CDHR3: variants seen among roughly 807,000 people sequenced by gnomAD.
The protein encoded by CDHR3 is cadherin related family member 3.
A neutral mutation model predicts 86.6 loss-of-function variants in CDHR3; 79 were observed. That is an observed-to-expected ratio of 0.91 (90% CI 0.76 to 1.10). The LOEUF is 1.10. CDHR3 is among the 50% of genes least tolerant of loss of function. CDHR3 has a pLI of 0.00. For synonymous variants in CDHR3, 421 were observed against 402.4 expected, an observed-to-expected ratio of 1.05 and a Z score of -0.55; for missense variants, 1,081 against 1,077.6, an observed-to-expected ratio of 1.00 and a Z score of -0.04.
chr7:106,031,567 C>CG (rs1293730957), intron 18 of CDHR3, among the ~76,000 whole-genome samples: 1 of 152,214 alleles, frequency 6.6e-6, no homozygotes, highest in African/African-American at 2.4e-5. Flanking sequence ...GAGAGGCTGC[C>CG]GCCGCCGCTG....
intron 15 of CDHR3, among the ~76,000 whole-genome samples, chr7:106,025,160 G>A (rs967437381): frequency 8.5e-5 from 13 of 152,078 alleles, no homozygotes; most frequent in African/African-American, 3.1e-4. Flanking sequence ...GTCTTTTACT[G>A]GCTAAAGTGA....
Position 106,020,430 on chromosome 7 carries a change from T to G in CDHR3, c.1711T>G (p.Tyr571Asp). ...DEKPICTPNS[Y>D]FLALPVDLKV... The stretch of plus-strand genomic sequence containing the variant: ...AAAGCCAATTTGTACTCCAAACTCT[T>G]ATTTCCTGGCCCTCCCAGTGGATCT... The change falls in exon 13 of 19, where the codon TAT becomes GAT. Residue 571 changes from tyrosine (Y) to aspartate (D), a missense_variant. Tyr to Asp is a radical substitution (Grantham distance 160). Transcript: ENST00000317716. 1 of 1,614,004 alleles carries G rather than the reference T, an allele frequency of 6.2e-7. No individual in the cohort carries two copies. Among genetic ancestry groups the G allele is most frequent in the South Asian group, 1.1e-5 (1 of 91,086 alleles).
In CDHR3 at chr7:106,030,791, G is replaced by C; in HGVS notation, c.2305-1G>C. ...TGATGCTGTCTCTGTCTTCTCCTTAGGAAACTATCCAGATGAACACTATCT... is the reference window on the plus strand; with the variant it reads ...TGATGCTGTCTCTGTCTTCTCCTTACGAAACTATCCAGATGAACACTATCT... On this transcript the variant is annotated splice_acceptor_variant, in intron 17 of 18. Coordinates refer to ENST00000317716, the MANE Select transcript of CDHR3 (RefSeq NM_152750.5). LOFTEE classifies it high-confidence loss of function. The surrounding 1 kb of genome is among the most constrained non-coding windows in gnomAD (Gnocchi z 4.8). 6.2e-7 allele frequency: 1 copy of C among 1,610,554 alleles called. No homozygotes were observed. The highest frequency in any genetic ancestry group is 8.5e-7 in the Non-Finnish European group (1 of 1,178,438).
rs1174492229 is a variant in CDHR3 at position 106,024,517 on chromosome 7, T to G, written c.2213T>G (p.Ile738Ser). Residue 738 changes from isoleucine (I) to serine (S), a missense_variant, in exon 15 of 19, where the codon ATC (isoleucine) becomes AGC (serine). Coordinates refer to ENST00000317716, the MANE Select transcript of CDHR3 (RefSeq NM_152750.5). ...VYLVVLLAKA[I>S]HRHCPCKTGK... ...CTGGTCGTCCTATTGGCCAAAGCCATCCACAGACACTGCCCCTGCAAGACT... is the reference window on the plus strand; with the variant it reads ...CTGGTCGTCCTATTGGCCAAAGCCAGCCACAGACACTGCCCCTGCAAGACT... The G allele has an allele frequency of 6.2e-7, 1 of 1,613,932 alleles. No individual in the cohort carries two copies. Among genetic ancestry groups the G allele is most frequent in the African/African-American group, 1.3e-5 (1 of 74,946 alleles).
At chr7:106,028,197 T>C (rs1230574734) in intron 16 of CDHR3, among the ~76,000 whole-genome samples, 1 of 151,666 alleles carries the variant, frequency 6.6e-6, no homozygotes, top group African/African-American at 2.4e-5. Flanking sequence ...TGGGAATTAA[T>C]GCACAAAACC....
intron 6 of CDHR3, among the ~76,000 whole-genome samples, chr7:106,000,248 G>C (rs1489107401): frequency 6.6e-6 from 1 of 152,240 alleles, no homozygotes; most frequent in African/African-American, 2.4e-5. Flanking sequence ...CAGCAATGGA[G>C]TATACCCACA....
intron 7 of CDHR3, among the ~76,000 whole-genome samples, chr7:106,002,250 G>A (rs1475101564): frequency 6.6e-6 from 1 of 152,154 alleles, no homozygotes; most frequent in African/African-American, 2.4e-5. Context: ...CAAGAGAAAA[G>A]CATACGAATT....
intron 1 of CDHR3, among the ~76,000 whole-genome samples, chr7:105,964,657 A>G (rs1826590174): frequency 6.6e-6 from 1 of 152,118 alleles, no homozygotes; most frequent in African/African-American, 2.4e-5. Flanking sequence ...ATATAATAAA[A>G]CTAAATGTAA....
chr7:106,029,601 C>A (rs1467379450), intron 17 of CDHR3, among the ~76,000 whole-genome samples: 1 of 151,438 alleles, frequency 6.6e-6, no homozygotes. Context: ...TTATCTACCC[C>A]CTGGGAAGTG....
At chr7:105,975,139 C>T in intron 2 of CDHR3, 93 bp downstream of exon 2, 1 of 1,085,266 alleles carries the variant, frequency 9.2e-7, no homozygotes, top group Non-Finnish European at 1.4e-6. Context: ...ATTAATTCCT[C>T]CATCTGGTTT....
chr7:106,006,975 C>T (rs1345573308), intron 8 of CDHR3, among the ~76,000 whole-genome samples: 1 of 152,256 alleles, frequency 6.6e-6, no homozygotes, highest in Non-Finnish European at 1.5e-5. Flanking sequence ...TTCCATACAT[C>T]CTCTCAAATC....
At position 105,969,532 on chromosome 7, in the gene CDHR3, G is replaced by A. The variant is rs114548571; in HGVS notation, c.47-5312G>A. On this transcript the variant is annotated intron_variant, in intron 1 of 18. Transcript: ENST00000317716. Reference sequence around the variant, plus strand: ...ATTATTTGCACCTGGTCTCAACGAGGACCTTCTGTGGGTTCTGCCGTTGAG... The same window carrying A: ...ATTATTTGCACCTGGTCTCAACGAGAACCTTCTGTGGGTTCTGCCGTTGAG... Among the ~76,000 whole-genome samples the A allele has an allele frequency of 4.4e-3, 672 of 152,294 alleles. 9 individuals are homozygous for A. Among genetic ancestry groups the A allele is most frequent in the African/African-American group, 0.016 (647 of 41,562 alleles).
intron 8 of CDHR3, among the ~76,000 whole-genome samples, chr7:106,011,836 G>C (rs1168119376): frequency 6.6e-6 from 1 of 152,182 alleles, no homozygotes; most frequent in African/African-American, 2.4e-5. Flanking sequence ...ACTCATTTGT[G>C]TTATTTGCCT....
chr7:105,973,516 G>T (rs538494541), intron 1 of CDHR3, among the ~76,000 whole-genome samples: 1 of 152,144 alleles, frequency 6.6e-6, no homozygotes, highest in African/African-American at 2.4e-5. Context: ...GCTTGTAGCT[G>T]CATCACTCGT....
chr7:106,012,778 G>T (rs1585761996), intron 8 of CDHR3, 82 bp from the exon 9 acceptor site: 3 of 1,403,226 alleles, frequency 2.1e-6, no homozygotes, highest in Non-Finnish European at 2.9e-6. Context: ...TAAAGTAGAG[G>T]TGTCTAGCCC....
In CDHR3 at chr7:106,022,418, C is replaced by T. The variant is rs1393019930; in HGVS notation, c.2046C>T (p.His682=). The change falls in exon 14 of 19, where the codon CAC becomes CAT. Residue 682 remains histidine, a synonymous_variant. Transcript: ENST00000317716. The part of the protein sequence containing the change: ...TVTLSIKVIP[H]PTTIITTTPR... ...CACTGAGTATTAAAGTCATTCCCCA[C>T]CCAACCACTATCATCACCACGACCC... 4 of 1,613,996 alleles carry T rather than the reference C, an allele frequency of 2.5e-6. No homozygotes were observed. In the South Asian group the frequency reaches 4.4e-5, roughly 18 times the overall value.
chr7:105,994,844 A>G lies in CDHR3; in HGVS notation c.607A>G (p.Ser203Gly). The change falls in exon 5 of 19, where the codon AGT (serine) becomes GGT (glycine). Residue 203 changes from serine (S) to glycine (G), a missense_variant and splice_region_variant. Coordinates refer to ENST00000317716, the MANE Select transcript of CDHR3 (RefSeq NM_152750.5). The stretch of plus-strand genomic sequence containing the variant: ...ATTGGACTTTGAAGCAGGACACAGA[A>G]GGTAGTCTTGCTATTGACCTTGCAT... ...TELDFEAGHRSFHLIVEVRDS... is the reference protein window; with the variant it reads ...TELDFEAGHRGFHLIVEVRDS... The G allele has an allele frequency of 6.2e-7, 1 of 1,603,000 alleles. No individual in the cohort carries two copies. Among genetic ancestry groups the G allele is most frequent in the Non-Finnish European group, 8.5e-7 (1 of 1,173,112 alleles).
intron 3 of CDHR3, among the ~76,000 whole-genome samples, 164 bp from the exon 4 acceptor site, chr7:105,984,028 G>C (rs1830170978): frequency 6.6e-6 from 1 of 152,194 alleles, no homozygotes; most frequent in Non-Finnish European, 1.5e-5. Context: ...ATCCATGCAG[G>C]AAAGTTGGCC....
intron 9 of CDHR3, among the ~76,000 whole-genome samples, chr7:106,014,731 A>G (rs994188688): frequency 3.3e-5 from 5 of 152,228 alleles, no homozygotes; most frequent in Non-Finnish European, 7.3e-5. Context: ...GGTTGACTCC[A>G]AGTAACTGAA....
Sources: allele counts gnomAD v4.1 joint callset (sites outside exome capture counted in the v4.1 genomes callset), GRCh38; gene constraint gnomAD v4.1.1; non-coding constraint Gnocchi (gnomAD v3.1); transcripts MANE v1.5; gene names NCBI Gene and HGNC (gene_info 2026-07-23, HGNC 2026-07-21).